The following CNTN4 variants were observed in gnomAD, a reference collection of about 807,000 sequenced individuals.
The protein encoded by CNTN4 is contactin-4.
Under a neutral mutation model 122.5 loss-of-function variants are expected in CNTN4, and 77 were observed. The ratio of observed to expected loss-of-function variants is 0.63; its 90% CI spans 0.52 to 0.76. The LOEUF (loss-of-function observed/expected upper bound fraction) is 0.76. Ranked by LOEUF, CNTN4 falls within the 30% of genes least tolerant of loss-of-function variation. The pLI, the probability that CNTN4 is intolerant of heterozygous loss-of-function variation, is 0.00. For synonymous variants in CNTN4, 512 were observed against 447.0 expected (o/e 1.15, Z -1.83); for missense variants, 1,256 against 1,259.1 (o/e 1.00, Z 0.04).
In CNTN4 at chr3:2,219,052, A is replaced by T. The variant is rs973097858; in HGVS notation, c.-145+118413A>T. ...GGATTACAAAGGGCTTGCACATATT[A>T]GAGAGCTAATTTTTAGCATATTTCC... is the stretch of plus-strand genomic sequence containing the variant. On this transcript the variant is annotated intron_variant, in intron 2 of 24. Transcript: ENST00000418658. Among the ~76,000 whole-genome samples the T allele has an allele frequency of 3.9e-5, 6 of 152,208 alleles. No homozygotes were observed. The East Asian group carries it at 9.6e-4, about 24-fold the overall frequency.
chr3:2,533,482 C>T (rs1575881578), intron 3 of CNTN4, among the ~76,000 whole-genome samples: 1 of 103,858 alleles, frequency 9.6e-6, no homozygotes, highest in Non-Finnish European at 2.1e-5. Flanking sequence ...TTTATGGCTG[C>T]ATAGTATTCC....
At chr3:2,696,025 C>T (rs370959400) in intron 4 of CNTN4, among the ~76,000 whole-genome samples, 5 of 152,090 alleles carry the variant, frequency 3.3e-5, no homozygotes, top group African/African-American at 7.2e-5. Context: ...CACATGTATG[C>T]ATTATGTGTA....
At chr3:2,726,003 A>G (rs942715891) in intron 4 of CNTN4, among the ~76,000 whole-genome samples, 1 of 152,228 alleles carries the variant, frequency 6.6e-6, no homozygotes, top group Non-Finnish European at 1.5e-5. Context: ...ATTAGCTCTC[A>G]TATCTGAGAA....
At chr3:2,196,100 C>G (rs1220393109) in intron 2 of CNTN4, among the ~76,000 whole-genome samples, 1 of 152,072 alleles carries the variant, frequency 6.6e-6, no homozygotes, top group Middle Eastern at 3.2e-3. Flanking sequence ...TTCAGAAGAC[C>G]CTAATTTATA....
intron 4 of CNTN4, among the ~76,000 whole-genome samples, chr3:2,720,257 A>C (rs1209227993): frequency 6.6e-6 from 1 of 152,226 alleles, no homozygotes; most frequent in East Asian, 1.9e-4. Context: ...ATGCCATGAC[A>C]TCAAAAGCCA....
intron 3 of CNTN4, among the ~76,000 whole-genome samples, chr3:2,382,870 T>G (rs1219916948): frequency 1.3e-5 from 2 of 152,218 alleles, no homozygotes; most frequent in African/African-American, 2.4e-5. Context: ...GGTCAGGAGT[T>G]CGAGACCAGC....
intron 12 of CNTN4, among the ~76,000 whole-genome samples, chr3:2,912,844 C>T (rs945356476): frequency 1.8e-4 from 28 of 152,126 alleles, no homozygotes; most frequent in Non-Finnish European, 4.4e-5. Flanking sequence ...GAAAACATAT[C>T]ATTTTTAAAA....
Position 2,383,600 on chromosome 3 carries a change from C to G in CNTN4, c.-89+44367C>G, listed in dbSNP as rs543101988. On this transcript the variant is annotated intron_variant, in intron 3 of 24. Transcript: ENST00000418658. ...GTAACGACAGCACTATTTTCTCTCTCTCTCCTTCTGCTCCCTCTCCCTCTC... is the reference window on the plus strand; with the variant it reads ...GTAACGACAGCACTATTTTCTCTCTGTCTCCTTCTGCTCCCTCTCCCTCTC... Among the ~76,000 whole-genome samples, 69 of 152,036 alleles carry G rather than the reference C, an allele frequency of 4.5e-4. 2 individuals carry two copies. The highest frequency in any genetic ancestry group is 1.6e-3 in the African/African-American group (68 of 41,488).
intron 14 of CNTN4, among the ~76,000 whole-genome samples, chr3:3,009,447 T>G (rs1222922711): frequency 6.6e-6 from 1 of 152,080 alleles, no homozygotes; most frequent in Non-Finnish European, 1.5e-5. Context: ...ATTTCTTTTT[T>G]TTTTGAGATG....
At chr3:2,129,032 T>C (rs2034317273) in intron 2 of CNTN4, among the ~76,000 whole-genome samples, 1 of 152,188 alleles carries the variant, frequency 6.6e-6, no homozygotes, top group Non-Finnish European at 1.5e-5. Flanking sequence ...ACATTTTCTA[T>C]GGTAAAATAT....
At chr3:2,824,236 T>C (rs1340786511) in intron 7 of CNTN4, among the ~76,000 whole-genome samples, 2 of 149,838 alleles carry the variant, frequency 1.3e-5, no homozygotes. Flanking sequence ...CCGAGGCAGG[T>C]GGATCACTTG....
At chr3:2,867,454 A>T (rs938843587) in intron 8 of CNTN4, among the ~76,000 whole-genome samples, 31 of 152,216 alleles carry the variant, frequency 2.0e-4, no homozygotes, top group African/African-American at 7.0e-4. Context: ...TCAAGAAAAT[A>T]TATGAAATTC....
chr3:3,024,841 G>A lies in CNTN4; in HGVS notation c.1487-1261G>A, dbSNP rs554384634. 9.9e-5 allele frequency among the ~76,000 whole-genome samples: 15 copies of A among 152,178 alleles called. No homozygotes were observed. In the South Asian group the frequency reaches 1.7e-3, roughly 17 times the overall value. ...CAGATATAATTACAAAATTCCCAGCGGATATTTTAATCCCAGAGGTTCCCT... is the reference window on the plus strand; with the variant it reads ...CAGATATAATTACAAAATTCCCAGCAGATATTTTAATCCCAGAGGTTCCCT... On this transcript the variant is annotated intron_variant, in intron 14 of 24. Transcript: ENST00000418658.
intron 2 of CNTN4, among the ~76,000 whole-genome samples, chr3:2,104,747 G>A (rs1301034012): frequency 6.6e-6 from 1 of 152,178 alleles, no homozygotes; most frequent in Non-Finnish European, 1.5e-5. Context: ...GGAGAAGGGT[G>A]AAAGGAAAAC....
chr3:2,573,990 G>T (rs1438268112), intron 4 of CNTN4, among the ~76,000 whole-genome samples: 2 of 152,180 alleles, frequency 1.3e-5, no homozygotes, highest in Non-Finnish European at 2.9e-5. Context: ...GCCGAGGTGG[G>T]TGGATAACCT....
intron 2 of CNTN4, among the ~76,000 whole-genome samples, chr3:2,176,331 T>C (rs938422349): frequency 6.6e-6 from 1 of 152,110 alleles, no homozygotes; most frequent in African/African-American, 2.4e-5. Flanking sequence ...TATTAATGAG[T>C]TTGCTAAATA....
At chr3:2,184,409 T>G (rs2037155268) in intron 2 of CNTN4, among the ~76,000 whole-genome samples, 1 of 152,094 alleles carries the variant, frequency 6.6e-6, no homozygotes, top group African/African-American at 2.4e-5. Flanking sequence ...TGTGGTGTCT[T>G]GAAACCTAGA....
At chr3:2,247,140 A>G (rs138302158) in intron 2 of CNTN4, among the ~76,000 whole-genome samples, 1 of 152,172 alleles carries the variant, frequency 6.6e-6, no homozygotes, top group Non-Finnish European at 1.5e-5. Context: ...ATGCCTTTCT[A>G]GGTGGATGTC....
chr3:2,373,381 C>G (rs1330538348), intron 3 of CNTN4, among the ~76,000 whole-genome samples: 1 of 152,206 alleles, frequency 6.6e-6, no homozygotes, highest in African/African-American at 2.4e-5. Context: ...CTTTTCTGTA[C>G]TTCCCAGGAA....
Sources: gnomAD v4.1 joint callset for allele counts (sites outside exome capture counted in the v4.1 genomes callset) on GRCh38, gnomAD v4.1.1 for gene constraint, MANE v1.5 for transcripts, NCBI Gene and HGNC (gene_info 2026-07-23, HGNC 2026-07-21) for gene names.